Variants in CSMD1 observed in about 807,000 individuals in gnomAD.
The protein encoded by CSMD1 is CUB and sushi domain-containing protein 1.
A neutral mutation model predicts 417.5 loss-of-function variants in CSMD1; 213 were observed. That is an observed-to-expected ratio of 0.51 (90% CI 0.46 to 0.57). The LOEUF is 0.57. Among genes scored for constraint, CSMD1 ranks in the 20% least tolerant of loss-of-function variants. CSMD1 has a pLI of 0.00. For missense variants in CSMD1, 6,923 were observed against 4,529.7 expected (o/e 1.53, Z -15.17); for synonymous variants, 2,862 against 1,736.8 (o/e 1.65, Z -16.11).
At chr8:4,564,573 T>A (rs1276281969) in intron 2 of CSMD1, among the ~76,000 whole-genome samples, 1 of 152,214 alleles carries the variant, frequency 6.6e-6, no homozygotes, top group Non-Finnish European at 1.5e-5. Context: ...TAAATACTGA[T>A]AATCAATACA....
At chr8:4,438,482 G>A (rs577481585) in intron 2 of CSMD1, among the ~76,000 whole-genome samples, 5 of 152,192 alleles carry the variant, frequency 3.3e-5, no homozygotes, top group Admixed American at 2.6e-4. Flanking sequence ...CAACGCTTGG[G>A]TTCCACAGCA....
chr8:3,571,601 C>A (rs188915945), intron 10 of CSMD1, among the ~76,000 whole-genome samples: 215 of 152,162 alleles, frequency 1.4e-3, no homozygotes, highest in Non-Finnish European at 2.4e-3. Context: ...CTGGAGGCAG[C>A]TGCAGGGGGA....
At chr8:3,638,644 A>G (rs966537866) in intron 7 of CSMD1, among the ~76,000 whole-genome samples, 2 of 152,132 alleles carry the variant, frequency 1.3e-5, no homozygotes, top group African/African-American at 2.4e-5. Context: ...CAGGTGAAAC[A>G]TGGGCAAGAT....
intron 5 of CSMD1, 35 bp downstream of exon 5, chr8:3,997,868 C>T (rs186571749): frequency 2.6e-5 from 41 of 1,577,228 alleles, no homozygotes; most frequent in Non-Finnish European, 3.3e-5. Context: ...GAAAACACAC[C>T]TGTATCCTTT....
intron 5 of CSMD1, among the ~76,000 whole-genome samples, chr8:3,792,204 G>C (rs927681662): frequency 6.6e-6 from 1 of 151,994 alleles, no homozygotes; most frequent in Admixed American, 6.5e-5. Flanking sequence ...TGAGATGGGA[G>C]ATCGCTCAAG....
In CSMD1 at chr8:3,640,507, G is replaced by A. The variant is rs182962839; in HGVS notation, c.1010-23710C>T. 1.2e-3 allele frequency among the ~76,000 whole-genome samples: 187 copies of A among 152,288 alleles called. 1 individual carries two copies. The highest frequency in any genetic ancestry group is 0.01 in the Middle Eastern group (3 of 294). ...GTCTAATCAGTTAATGGAAAATTGT[G>A]TAGGTTATCTCAGAAAAATGTGGAA... On this transcript the variant is annotated intron_variant, in intron 7 of 69. Coordinates refer to ENST00000635120, the MANE Select transcript of CSMD1 (RefSeq NM_033225.6).
In CSMD1 at chr8:3,493,625, G is replaced by A. The variant is rs17066296; in HGVS notation, c.1446C>T (p.Tyr482=). The change falls in exon 11 of 70, where the codon TAC becomes TAT. Residue 482 remains tyrosine (Y), a splice_region_variant and synonymous_variant. Coordinates refer to ENST00000635120, the MANE Select transcript of CSMD1 (RefSeq NM_033225.6). ...GKVGDTRSVL[Y]VLTGSSVPDL... The stretch of plus-strand genomic sequence containing the variant: ...AAGAAGCTCAAGGACATACTCACAC[G>A]TACAAGACCGATCTGGTGTCTCCCA... 0.081 allele frequency: 129,858 copies of A among 1,604,458 alleles called. 6,297 individuals are homozygous for A. Among genetic ancestry groups the A allele is most frequent in the East Asian group, 0.23 (10,156 of 44,484 alleles).
chr8:4,940,949 T>G (rs578179244), intron 1 of CSMD1, among the ~76,000 whole-genome samples: 28 of 152,342 alleles, frequency 1.8e-4, no homozygotes, highest in South Asian at 8.3e-4. Flanking sequence ...TAACAGTTCT[T>G]AGATCTAGAT....
intron 50 of CSMD1, among the ~76,000 whole-genome samples, chr8:3,032,993 G>C (rs192957913): frequency 6.6e-6 from 1 of 151,930 alleles, no homozygotes; most frequent in South Asian, 2.1e-4. Context: ...AAGTCCAAGA[G>C]AATAATACCA....
chr8:4,205,641 G>C (rs752352300), intron 3 of CSMD1, among the ~76,000 whole-genome samples: 2 of 152,038 alleles, frequency 1.3e-5, no homozygotes, highest in Non-Finnish European at 2.9e-5. Context: ...GAGTGAGAAA[G>C]CCTCTCATTG....
At chr8:4,764,905 A>AAAAAAAAAACAAAAC (rs1563327134) in intron 1 of CSMD1, among the ~76,000 whole-genome samples, 40 of 530 alleles carry the variant, frequency 0.075, no homozygotes, top group African/African-American at 0.11. Context: ...CAACAACAAC[A>AAAAAAAAAACAAAAC]AAAAAAAACC....
chr8:3,023,845 C>A (rs1198760466), intron 51 of CSMD1, among the ~76,000 whole-genome samples: 3 of 144,090 alleles, frequency 2.1e-5, no homozygotes, highest in Non-Finnish European at 4.5e-5. Context: ...AAAATGAACA[C>A]TGGGGAGTCA....
chr8:4,279,884 C>G (rs938632344), intron 3 of CSMD1, among the ~76,000 whole-genome samples: 5 of 152,154 alleles, frequency 3.3e-5, no homozygotes, highest in African/African-American at 1.2e-4. Flanking sequence ...CAGATGCCAA[C>G]TGCGTCAAAA....
intron 3 of CSMD1, among the ~76,000 whole-genome samples, chr8:4,107,591 G>C (rs1162204353): frequency 2.0e-5 from 3 of 152,320 alleles, no homozygotes; most frequent in African/African-American, 4.8e-5. Context: ...CAAGCGCTTT[G>C]TGAATAGCTG....
chr8:4,150,517 T>C (rs984779982), intron 3 of CSMD1, among the ~76,000 whole-genome samples: 7 of 152,176 alleles, frequency 4.6e-5, no homozygotes, highest in African/African-American at 1.7e-4. Flanking sequence ...AGGCAGAATT[T>C]CTCTTTCTGT....
At chr8:3,128,937 T>C (rs1490870104) in intron 41 of CSMD1, 1 of 431,860 alleles carries the variant, frequency 2.3e-6, no homozygotes, top group Non-Finnish European at 4.5e-6. Flanking sequence ...GATCTAAGGG[T>C]ATCTCACAAA....
chr8:4,253,952 T>C (rs1317710116), intron 3 of CSMD1, among the ~76,000 whole-genome samples: 1 of 131,998 alleles, frequency 7.6e-6, no homozygotes, highest in Admixed American at 9.4e-5. Flanking sequence ...AGTCTTGCTC[T>C]AGTGCCCAGG....
intron 10 of CSMD1, among the ~76,000 whole-genome samples, chr8:3,508,696 G>C (rs1482013886): frequency 6.6e-6 from 1 of 152,036 alleles, no homozygotes; most frequent in African/African-American, 2.4e-5. Context: ...AAAATTTTCT[G>C]CGAGTTTTAT....
intron 1 of CSMD1, among the ~76,000 whole-genome samples, chr8:4,901,211 G>C (rs973167400): frequency 6.6e-6 from 1 of 152,144 alleles, no homozygotes; most frequent in Non-Finnish European, 1.5e-5. Context: ...TTATTTTGTA[G>C]AAACAACTAT....
Sources: gnomAD v4.1 joint callset for allele counts (sites outside exome capture counted in the v4.1 genomes callset) on GRCh38, gnomAD v4.1.1 for gene constraint, MANE v1.5 for transcripts, NCBI Gene and HGNC (gene_info 2026-07-23, HGNC 2026-07-21) for gene names.